The following THSD4 variants were observed in gnomAD, a reference collection of about 807,000 sequenced individuals.
The protein encoded by THSD4 is thrombospondin type 1 domain containing 4, also known as thrombospondin type-1 domain-containing protein 4.
THSD4 carries 69 observed loss-of-function variants against 119.0 expected under a neutral mutation model. The ratio of observed to expected loss-of-function variants is 0.58; its 90% confidence interval spans 0.48 to 0.71. The LOEUF (loss-of-function observed/expected upper bound fraction) is 0.71, where lower values mean the gene tolerates loss of function less well. Among genes scored for constraint, THSD4 ranks in the 30% least tolerant of loss-of-function variants. The pLI is 0.00. For synonymous variants in THSD4, 524 were observed against 540.4 expected, an observed-to-expected ratio of 0.97 and a Z score of 0.42; for missense variants, 1,393 against 1,391.1, an observed-to-expected ratio of 1.00 and a Z score of -0.02.
At chr15:71,383,759 T>C (rs947171390) in intron 6 of THSD4, among the ~76,000 whole-genome samples, 3 of 152,134 alleles carry the variant, frequency 2.0e-5, no homozygotes, top group Non-Finnish European at 4.4e-5. Context: ...AATACAATCG[T>C]AAAGAGTCAT....
chr15:71,730,738 G>A (rs1342675412), intron 9 of THSD4: 2 of 168,458 alleles, frequency 1.2e-5, no homozygotes, highest in African/African-American at 2.4e-5. Flanking sequence ...ACTTTGTCAC[G>A]CCACCTAGTG....
intron 7 of THSD4, among the ~76,000 whole-genome samples, chr15:71,524,492 T>G (rs2048487489): frequency 6.6e-6 from 1 of 151,416 alleles, no homozygotes; most frequent in Non-Finnish European, 1.5e-5. Flanking sequence ...TGCAGGAGGC[T>G]GCGCAGGAAA....
intron 8 of THSD4, among the ~76,000 whole-genome samples, chr15:71,669,925 A>G (rs1460032754): frequency 6.6e-6 from 1 of 152,096 alleles, no homozygotes; most frequent in Admixed American, 6.6e-5. Flanking sequence ...TTTAATACAT[A>G]TTTTCCCTGC....
At chr15:71,201,040 A>G (rs1367907530) in intron 3 of THSD4, among the ~76,000 whole-genome samples, 3 of 152,294 alleles carry the variant, frequency 2.0e-5, no homozygotes, top group Middle Eastern at 3.4e-3. Flanking sequence ...TGGAAACACT[A>G]TCTGGGTTGG....
At chr15:71,700,046 C>T (rs549153202) in intron 8 of THSD4, among the ~76,000 whole-genome samples, 10 of 151,806 alleles carry the variant, frequency 6.6e-5, no homozygotes, top group Non-Finnish European at 1.3e-4. Flanking sequence ...AATCCTATTT[C>T]GAGGAAAAGA....
chr15:71,158,937 A>T (rs1270123421), intron 3 of THSD4, among the ~76,000 whole-genome samples: 1 of 152,002 alleles, frequency 6.6e-6, no homozygotes, highest in Non-Finnish European at 1.5e-5. Flanking sequence ...ATAAAACCTT[A>T]TGTTTTGTTT....
intron 6 of THSD4, among the ~76,000 whole-genome samples, chr15:71,302,772 A>C (rs114468720): frequency 8.2e-4 from 125 of 151,944 alleles, no homozygotes; most frequent in African/African-American, 2.8e-3. Context: ...GCTGATAGAG[A>C]TTATCAGCTG....
intron 7 of THSD4, among the ~76,000 whole-genome samples, chr15:71,585,923 G>C (rs750759687): frequency 2.0e-5 from 3 of 151,882 alleles, no homozygotes; most frequent in Non-Finnish European, 4.4e-5. Flanking sequence ...CTTAGTGCCA[G>C]GATTTTTTAT....
chr15:71,574,332 TG>T (rs537163090), intron 7 of THSD4, among the ~76,000 whole-genome samples: 26 of 152,358 alleles, frequency 1.7e-4, no homozygotes, highest in African/African-American at 6.3e-4. Context: ...CATCCCCTTT[TG>T]CTGACAAGCA....
chr15:71,138,205 C>T (rs1431160245), intron 1 of THSD4, among the ~76,000 whole-genome samples: 2 of 152,088 alleles, frequency 1.3e-5, no homozygotes, highest in East Asian at 3.9e-4. Context: ...GGGAAGCAGG[C>T]ACATCTTACA....
intron 6 of THSD4, among the ~76,000 whole-genome samples, chr15:71,266,893 C>T (rs541880451): frequency 4.0e-5 from 6 of 151,704 alleles, no homozygotes; most frequent in South Asian, 2.1e-4. Context: ...GAAATTACAG[C>T]GTGAAGACAA....
intron 6 of THSD4, among the ~76,000 whole-genome samples, chr15:71,296,631 A>G (rs753931742): frequency 5.6e-4 from 85 of 152,116 alleles, no homozygotes; most frequent in Non-Finnish European, 1.1e-3. Flanking sequence ...TATCCTCCAC[A>G]CTGGCCAAGG....
intron 6 of THSD4, among the ~76,000 whole-genome samples, chr15:71,379,080 G>T (rs113790876): frequency 1.4e-3 from 206 of 152,318 alleles, no homozygotes; most frequent in African/African-American, 4.8e-3. Flanking sequence ...CACCATGCCC[G>T]GCCAGAGGGT....
chr15:71,393,459 G>A (rs1025006826), intron 6 of THSD4, among the ~76,000 whole-genome samples: 5 of 152,120 alleles, frequency 3.3e-5, no homozygotes, highest in African/African-American at 1.2e-4. Context: ...ACCAGGGAGA[G>A]AGGTGAGCCT....
chr15:71,285,913 CG>C (rs2044711693), intron 6 of THSD4, among the ~76,000 whole-genome samples: 1 of 136,546 alleles, frequency 7.3e-6, no homozygotes, highest in African/African-American at 2.7e-5. Context: ...TAAAAATGTG[CG>C]TAGTTTCTTT....
intron 11 of THSD4, 50 bp downstream of exon 11, chr15:71,738,057 A>G: frequency 6.2e-7 from 1 of 1,601,754 alleles, no homozygotes. Flanking sequence ...CTAAGCAAGG[A>G]GTGTGTGGGT....
chr15:71,408,787 G>GGTT (rs1434315317), intron 6 of THSD4, among the ~76,000 whole-genome samples: 1 of 152,132 alleles, frequency 6.6e-6, no homozygotes, highest in African/African-American at 2.4e-5. Context: ...GGGAGGTCAA[G>GGTT]GTTGCAGTGA....
At chr15:71,530,402 C>T (rs1050530586) in intron 7 of THSD4, among the ~76,000 whole-genome samples, 1 of 152,096 alleles carries the variant, frequency 6.6e-6, no homozygotes, top group Non-Finnish European at 1.5e-5. Context: ...AGGTAAAGAT[C>T]AGAGATTGAA....
intron 8 of THSD4, among the ~76,000 whole-genome samples, chr15:71,715,749 G>T (rs2052594724): frequency 6.7e-6 from 1 of 148,730 alleles, no homozygotes; most frequent in Non-Finnish European, 1.5e-5. Context: ...CAGATTTGGG[G>T]CTCAAAATTT....
Sources: allele counts gnomAD v4.1 joint callset (sites outside exome capture counted in the v4.1 genomes callset), GRCh38; gene constraint gnomAD v4.1.1; transcripts MANE v1.5; gene names NCBI Gene and HGNC (gene_info 2026-07-23, HGNC 2026-07-21).